PRKN: variants seen among roughly 807,000 people sequenced by gnomAD.
PRKN encodes E3 ubiquitin-protein ligase parkin.
Under a neutral mutation model 59.5 loss-of-function variants are expected in PRKN, and 56 were observed. That is an observed-to-expected ratio of 0.94 (90% CI 0.76 to 1.18). The LOEUF (loss-of-function observed/expected upper bound fraction) is 1.18. Ranked by LOEUF, PRKN falls within the 50% of genes most tolerant of loss-of-function variation. The probability of loss-of-function intolerance (pLI) is 0.00; values close to 1 mark genes in which losing one functional copy is unlikely to be tolerated. For synonymous variants in PRKN, 250 were observed against 222.1 expected, an observed-to-expected ratio of 1.13 and a Z score of -1.12; for missense variants, 657 against 596.4, an observed-to-expected ratio of 1.10 and a Z score of -1.06.
chr6:161,940,299 A>C (rs1246357850), intron 6 of PRKN, among the ~76,000 whole-genome samples: 2 of 152,086 alleles, frequency 1.3e-5, no homozygotes, highest in African/African-American at 4.8e-5. Flanking sequence ...AAAAGAAAAG[A>C]AAAGAAAAAG....
At chr6:161,875,606 C>A (rs555191125) in intron 6 of PRKN, among the ~76,000 whole-genome samples, 3 of 152,198 alleles carry the variant, frequency 2.0e-5, no homozygotes, top group African/African-American at 7.2e-5. Flanking sequence ...TGGCAGTCCT[C>A]ACAAATCTCC....
intron 4 of PRKN, among the ~76,000 whole-genome samples, chr6:162,127,810 G>A (rs924655135): frequency 2.0e-5 from 3 of 152,072 alleles, no homozygotes; most frequent in Non-Finnish European, 4.4e-5. Flanking sequence ...ATCCTTGAGA[G>A]GTATCTTTAC....
intron 4 of PRKN, among the ~76,000 whole-genome samples, chr6:162,115,457 G>C (rs1479286345): frequency 2.7e-5 from 4 of 150,852 alleles, no homozygotes; most frequent in Non-Finnish European, 1.5e-5. Flanking sequence ...TAACTAACCT[G>C]CACATTGTGC....
rs1190065824 is a variant in PRKN at position 161,538,819 on chromosome 6, C to T, written c.1083+10035G>A. ...TGATTGAATAACTGATCGACTTAGC[C>T]TTTCCCAGTGGAATGTTGGACAAGC... On this transcript the variant is annotated intron_variant, in intron 9 of 11. Transcript: ENST00000366898. The surrounding 1 kb of genome is among the most constrained non-coding windows in gnomAD (Gnocchi z 4.2). 6.6e-6 allele frequency among the ~76,000 whole-genome samples: 1 copy of T among 152,182 alleles called. No homozygotes were observed. Among genetic ancestry groups the T allele is most frequent in the Non-Finnish European group, 1.5e-5 (1 of 68,042 alleles).
In PRKN at chr6:161,497,317, T is replaced by C. The variant is rs1777789440; in HGVS notation, c.1083+51537A>G. On this transcript the variant is annotated intron_variant, in intron 9 of 11. Transcript: ENST00000366898. This position sits in a 1 kb window ranked among gnomAD's most constrained non-coding sequence, Gnocchi z 4.6. ...CGAGTGGAGGACAGGGTGTCCCCAC[T>C]ACAGGAAGAAAGAGAGACATCATCA... Among the ~76,000 whole-genome samples the C allele has an allele frequency of 6.6e-6, 1 of 152,146 alleles. No individual in the cohort carries two copies. Among genetic ancestry groups the C allele is most frequent in the East Asian group, 1.9e-4 (1 of 5,178 alleles).
Position 161,426,941 on chromosome 6 carries a change from G to A in PRKN, c.1084-40064C>T, listed in dbSNP as rs547066477. On this transcript the variant is annotated intron_variant, in intron 9 of 11. Coordinates refer to ENST00000366898, the MANE Select transcript of PRKN (RefSeq NM_004562.3). Reference sequence around the variant, plus strand: ...TCATCATGTTAGCCAGGATGGTCTCGATCTCCTGACCTTGTGATCTGCCCA... The same window carrying A: ...TCATCATGTTAGCCAGGATGGTCTCAATCTCCTGACCTTGTGATCTGCCCA... Among the ~76,000 whole-genome samples, 24 of 152,042 alleles carry A rather than the reference G, an allele frequency of 1.6e-4. No individual in the cohort carries two copies. The East Asian group carries it at 2.3e-3, about 15-fold the overall frequency.
chr6:162,509,161 T>C (rs1272259911), intron 1 of PRKN, among the ~76,000 whole-genome samples: 1 of 152,212 alleles, frequency 6.6e-6, no homozygotes, highest in Non-Finnish European at 1.5e-5. Flanking sequence ...CTTCTATTTT[T>C]TAAGTGGGTA....
intron 6 of PRKN, among the ~76,000 whole-genome samples, chr6:161,910,629 A>G (rs937821415): frequency 1.3e-5 from 2 of 152,166 alleles, no homozygotes; most frequent in African/African-American, 4.8e-5. Flanking sequence ...AATGACTCCA[A>G]TTTTGAAGGA....
chr6:161,688,566 T>A (rs367999262), intron 7 of PRKN, among the ~76,000 whole-genome samples: 3 of 152,228 alleles, frequency 2.0e-5, no homozygotes, highest in African/African-American at 7.2e-5. Context: ...CTTGTTTCCA[T>A]GGGACTTTTC....
At chr6:161,679,664 T>C (rs1196549570) in intron 7 of PRKN, among the ~76,000 whole-genome samples, 1 of 111,944 alleles carries the variant, frequency 8.9e-6, no homozygotes, top group Admixed American at 1.1e-4. Flanking sequence ...CTTTGGTTTA[T>C]AATAGAACCA....
At chr6:162,096,848 A>ATTTTTTTTTTTTTTTTTTTTTTT (rs71004079) in intron 4 of PRKN, among the ~76,000 whole-genome samples, 1 of 49,180 alleles carries the variant, frequency 2.0e-5, no homozygotes, top group African/African-American at 8.9e-5. Flanking sequence ...TACAGCTGGA[A>ATTTTTTTTTTTTTTTTTTTTTTT]TTTTTTTTTT....
At chr6:161,954,435 A>AC (rs758905372) in intron 6 of PRKN, among the ~76,000 whole-genome samples, 1 of 152,140 alleles carries the variant, frequency 6.6e-6, no homozygotes, top group Non-Finnish European at 1.5e-5. Context: ...CTTTGGCCTG[A>AC]CCTTTTTTCC....
intron 2 of PRKN, among the ~76,000 whole-genome samples, chr6:162,435,141 T>C (rs997483200): frequency 1.3e-5 from 2 of 152,318 alleles, no homozygotes; most frequent in Middle Eastern, 3.4e-3. Context: ...CTCTTCTCTG[T>C]CATTTATCAG....
rs869269519 is a variant in PRKN, at chr6:162,021,119, CATATAT to C, written c.618+32966_618+32971del. Reference sequence around the variant, plus strand: ...CTCTGTCTCAAAAAAAAAACAAAAACATATATATATATATATATATATATATATATA... The same window carrying C: ...CTCTGTCTCAAAAAAAAAACAAAAACATATATATATATATATATATATATA... On this transcript the variant is annotated intron_variant, in intron 5 of 11. Transcript: ENST00000366898. Among the ~76,000 whole-genome samples, 150 of 46,508 alleles carry C rather than the reference CATATAT, an allele frequency of 3.2e-3. 1 individual carries two copies. The highest frequency in any genetic ancestry group is 3.6e-3 in the South Asian group (4 of 1,104). 30.5% of individuals were successfully genotyped at this position (46,508 alleles called of 152,430 possible).
At chr6:162,727,340 G>A (rs1779298655) in intron 1 of PRKN, 2 of 408,076 alleles carry the variant, frequency 4.9e-6, no homozygotes, top group East Asian at 4.4e-5. Context: ...GCGGGGAGAA[G>A]GCTTCGGGAC....
At chr6:162,365,710 T>TAGG (rs1370501085) in intron 2 of PRKN, among the ~76,000 whole-genome samples, 4 of 152,178 alleles carry the variant, frequency 2.6e-5, no homozygotes, top group Non-Finnish European at 5.9e-5. Flanking sequence ...GAGCTCCTGT[T>TAGG]CTACACAATC....
At chr6:161,854,084 TAAAAAAA>T (rs34040894) in intron 6 of PRKN, among the ~76,000 whole-genome samples, 1 of 103,708 alleles carries the variant, frequency 9.6e-6, no homozygotes, top group African/African-American at 4.0e-5. Flanking sequence ...TGTTTCTACA[TAAAAAAA>T]AAAAAAAAAA....
chr6:161,486,436 T>TA (rs1791647162), intron 9 of PRKN, among the ~76,000 whole-genome samples: 1 of 152,172 alleles, frequency 6.6e-6, no homozygotes, highest in African/African-American at 2.4e-5. Flanking sequence ...CATAGAACCA[T>TA]AAGGATTTTA....
At position 161,895,520 on chromosome 6, in the gene PRKN, C is replaced by CTCTTTTTCACCCGTAGTTAGCTGGGGTG. The variant is rs1416297387; in HGVS notation, c.734+77781_734+77782insCACCCCAGCTAACTACGGGTGAAAAAGA. On this transcript the variant is annotated intron_variant, in intron 6 of 11. Transcript: ENST00000366898. The stretch of plus-strand genomic sequence containing the variant: ...TACGCCCACCCCACCTGCCGTTATG[C>CTCTTTTTCACCCGTAGTTAGCTGGGGTG]CCCCCAGTGAGGCTTCTGAGATTCA... Among the ~76,000 whole-genome samples, 87 of 127,860 alleles carry CTCTTTTTCACCCGTAGTTAGCTGGGGTG rather than the reference C, an allele frequency of 6.8e-4. 2 individuals are homozygous for CTCTTTTTCACCCGTAGTTAGCTGGGGTG. The highest frequency in any genetic ancestry group is 1.1e-3 in the East Asian group (5 of 4,544). The allele number at this position is 127,860 out of a possible 152,430, so 83.9% of individuals were successfully genotyped here. A position where few individuals can be genotyped will look rare whatever the true frequency, so the allele number is the denominator to read the frequency against.
Sources: allele counts gnomAD v4.1 joint callset (sites outside exome capture counted in the v4.1 genomes callset), GRCh38; gene constraint gnomAD v4.1.1; non-coding constraint Gnocchi (gnomAD v3.1); transcripts MANE v1.5; gene names NCBI Gene and HGNC (gene_info 2026-07-23, HGNC 2026-07-21).